LRGUK: variants seen among roughly 807,000 people sequenced by gnomAD.
LRGUK encodes leucine-rich repeat and guanylate kinase domain-containing protein.
Under a neutral mutation model 76.0 loss-of-function variants are expected in LRGUK, and 65 were observed. That is an observed-to-expected ratio of 0.85 (90% CI 0.70 to 1.05). LRGUK has a LOEUF of 1.05. LRGUK is among the 50% of genes least tolerant of loss of function. The probability of loss-of-function intolerance (pLI) is 0.00; values close to 1 mark genes in which losing one functional copy is unlikely to be tolerated. For missense variants in LRGUK, 758 were observed against 732.8 expected, an observed-to-expected ratio of 1.03 and a Z score of -0.40; for synonymous variants, 268 against 265.6, an observed-to-expected ratio of 1.01 and a Z score of -0.09.
chr7:134,171,422 T>G (rs558593100), intron 7 of LRGUK, among the ~76,000 whole-genome samples: 1 of 151,622 alleles, frequency 6.6e-6, no homozygotes, highest in East Asian at 1.9e-4. Flanking sequence ...TAACATATAT[T>G]TATATGTACT....
chr7:134,256,758 G>C (rs1278690076), intron 18 of LRGUK, among the ~76,000 whole-genome samples: 2 of 152,062 alleles, frequency 1.3e-5, no homozygotes, highest in African/African-American at 4.8e-5. Context: ...AGCTGTCCTG[G>C]TATGCCTAAT....
chr7:134,199,216 A>G lies in LRGUK; in HGVS notation c.1546-4A>G. 1 of 1,612,078 alleles carries G rather than the reference A, an allele frequency of 6.2e-7. No homozygotes were observed. The highest frequency in any genetic ancestry group is 8.5e-7 in the Non-Finnish European group (1 of 1,178,498). ...CAATTTATTATCTTCCTTTTAATGC[A>G]CAGGGTGTAAGAAGTTTGAAATATT... On this transcript the variant is annotated splice_region_variant and splice_polypyrimidine_tract_variant and intron_variant, in intron 13 of 15. Transcript: ENST00000645682.
rs200858255 is a variant in LRGUK, at chr7:134,178,580, C to A, written c.1185C>A (p.Ser395Arg). ...ACCACCTGACCCATGTTGTCAACAG[C>A]GTGATGCAGCCGCAGAGGATCTTTG... Residue 395 changes from serine to arginine, a missense_variant, in exon 10 of 16, where the codon AGC becomes AGA. Physicochemically the swap from Ser to Arg is moderately radical, Grantham distance 110. Transcript: ENST00000645682. 35 of 1,612,648 alleles carry A rather than the reference C, an allele frequency of 2.2e-5. No homozygotes were observed. In the East Asian group the frequency reaches 4.9e-4, roughly 23 times the overall value.
chr7:134,207,888 G>A (rs191968131), intron 15 of LRGUK, among the ~76,000 whole-genome samples: 24 of 152,288 alleles, frequency 1.6e-4, no homozygotes, highest in South Asian at 1.2e-3. Flanking sequence ...GTGAACAAGC[G>A]CTCACTGAAC....
chr7:134,270,902 T>C, the LRGUK span, among the ~76,000 whole-genome samples: 1 of 152,088 alleles, frequency 6.6e-6, no homozygotes, highest in Non-Finnish European at 1.5e-5. Flanking sequence ...GATATTACTA[T>C]AGTGGTTGCT....
At chr7:134,204,765 A>G (rs1015222692) in intron 15 of LRGUK, among the ~76,000 whole-genome samples, 1 of 152,234 alleles carries the variant, frequency 6.6e-6, no homozygotes, top group Non-Finnish European at 1.5e-5. Flanking sequence ...CTAGTGGGAC[A>G]AGAAGTAGAG....
At chr7:134,255,443 T>A (rs73724460) in intron 18 of LRGUK, among the ~76,000 whole-genome samples, 2,736 of 152,258 alleles carry the variant, frequency 0.018, 91 homozygotes, top group African/African-American at 0.063. Flanking sequence ...TTGGCTACAG[T>A]CTACAAGACT....
At chr7:134,243,244 G>A (rs575006325) in intron 16 of LRGUK, among the ~76,000 whole-genome samples, 2 of 152,178 alleles carry the variant, frequency 1.3e-5, no homozygotes. Flanking sequence ...TATTCAATTA[G>A]GAAAAGAGAA....
intron 10 of LRGUK, among the ~76,000 whole-genome samples, chr7:134,181,841 G>T (rs1435850094): frequency 1.3e-5 from 2 of 152,044 alleles, no homozygotes; most frequent in Non-Finnish European, 2.9e-5. Flanking sequence ...AACCTTATCG[G>T]ATTTCACCAG....
In LRGUK at chr7:134,146,448, TTATTC is replaced by T. The variant is rs565617790; in HGVS notation, c.589-1786_589-1782del. On this transcript the variant is annotated intron_variant, in intron 4 of 15. Transcript: ENST00000645682. ...TGATAAGCTTATTCCTAGTTTATTA[TTATTC>T]TATAGAAGAAAAAAGTGAATGTTAA... 3.8e-3 allele frequency among the ~76,000 whole-genome samples: 581 copies of T among 152,306 alleles called. 6 individuals are homozygous for T. Among genetic ancestry groups the T allele is most frequent in the African/African-American group, 0.013 (549 of 41,580 alleles).
intron 11 of LRGUK, among the ~76,000 whole-genome samples, chr7:134,185,139 T>C (rs1459211016): frequency 6.6e-6 from 1 of 152,180 alleles, no homozygotes; most frequent in Non-Finnish European, 1.5e-5. Flanking sequence ...TTTTGCTTAG[T>C]GATGTCTTAA....
intron 7 of LRGUK, among the ~76,000 whole-genome samples, chr7:134,174,094 C>A (rs13228957): frequency 0.11 from 15,081 of 137,142 alleles, 991 homozygotes; most frequent in Non-Finnish European, 0.15. Flanking sequence ...GGTGACAGAG[C>A]GAGACTCCAT....
rs190976078 is a variant in LRGUK, at chr7:134,189,174, T to A, written c.1335-2481T>A. Among the ~76,000 whole-genome samples, 103 of 152,312 alleles carry A rather than the reference T, an allele frequency of 6.8e-4. 1 individual carries two copies. Among genetic ancestry groups the A allele is most frequent in the African/African-American group, 2.4e-3 (98 of 41,568 alleles). On this transcript the variant is annotated intron_variant, in intron 11 of 15. Transcript: ENST00000645682. ...TAGTCCTTTTCTGTGTTAAGTGAAATCACAGGGATTGTGGTTCCCATTACA... is the reference window on the plus strand; with the variant it reads ...TAGTCCTTTTCTGTGTTAAGTGAAAACACAGGGATTGTGGTTCCCATTACA...
chr7:134,150,057 C>T (rs1181244212), intron 5 of LRGUK, among the ~76,000 whole-genome samples: 1 of 152,144 alleles, frequency 6.6e-6, no homozygotes, highest in Non-Finnish European at 1.5e-5. Context: ...GGGCAGATCA[C>T]GAGGTCAAGA....
At chr7:134,234,256 T>C (rs751222480) in intron 16 of LRGUK, among the ~76,000 whole-genome samples, 1 of 152,120 alleles carries the variant, frequency 6.6e-6, no homozygotes, top group African/African-American at 2.4e-5. Flanking sequence ...TACCACAGTC[T>C]GCTGCAGTTT....
chr7:134,226,218 ATGTGTGTGTG>A lies in LRGUK; in HGVS notation c.1983+4334_1983+4343del, dbSNP rs57035440. Among the ~76,000 whole-genome samples the A allele has an allele frequency of 6.3e-3, 893 of 141,770 alleles. 17 individuals are homozygous for A. The highest frequency in any genetic ancestry group is 0.044 in the South Asian group (194 of 4,446). The allele number at this position is 141,770 out of a possible 152,430, so 93.0% of individuals were successfully genotyped here. ...GACAAGGTAGAAATTCCCATCTCCA[ATGTGTGTGTG>A]TGTGTGTGTGTGTGTGTGTGTGTGT... On this transcript the variant is annotated intron_variant, in intron 16 of 19. Coordinates refer to the LRGUK transcript ENST00000285928.
At chr7:134,178,525 A>T (rs774395021) in exon 10 of LRGUK, 1 of 1,611,872 alleles carries the variant, frequency 6.2e-7, no homozygotes, top group African/African-American at 1.3e-5. Context: ...AATAAATATG[A>T]TCCTCCCCCT....
chr7:134,163,758 C>CA (rs1342245687), intron 7 of LRGUK, among the ~76,000 whole-genome samples: 1 of 152,148 alleles, frequency 6.6e-6, no homozygotes, highest in East Asian at 1.9e-4. Context: ...TTCCTAATTA[C>CA]ATTGTTTTTA....
intron 5 of LRGUK, among the ~76,000 whole-genome samples, chr7:134,149,221 G>C (rs1798106207): frequency 6.6e-6 from 1 of 152,084 alleles, no homozygotes; most frequent in Non-Finnish European, 1.5e-5. Flanking sequence ...AACTTCTAGA[G>C]CCTAAGGGGC....
Sources: gnomAD v4.1 joint callset for allele counts (sites outside exome capture counted in the v4.1 genomes callset) on GRCh38, gnomAD v4.1.1 for gene constraint, MANE v1.5 for transcripts, NCBI Gene and HGNC (gene_info 2026-07-23, HGNC 2026-07-21) for gene names.